Variants in IP6K1 observed in about 807,000 individuals in gnomAD.
IP6K1 encodes ATP:1D-myo-inositol-hexakisphosphate phosphotransferase.
In IP6K1, 13 loss-of-function variants were observed where a neutral mutation model predicts 38.3. The observed-to-expected ratio is 0.34, with a 90% confidence interval of 0.22 to 0.54. The LOEUF is 0.54. Ranked by LOEUF, IP6K1 falls within the 20% of genes least tolerant of loss-of-function variation. The pLI is 0.92. For missense variants in IP6K1, 397 were observed against 599.8 expected (o/e 0.66, Z 3.53); for synonymous variants, 212 against 229.9 (o/e 0.92, Z 0.70).
intron 1 of IP6K1, among the ~76,000 whole-genome samples, chr3:49,771,014 G>C (rs2080952972): frequency 6.6e-6 from 1 of 151,914 alleles, no homozygotes; most frequent in African/African-American, 2.4e-5. Context: ...AGCTACTAGG[G>C]AGGCTGAGGC....
At chr3:49,744,479 T>C (rs948572281) in intron 2 of IP6K1, among the ~76,000 whole-genome samples, 1 of 150,802 alleles carries the variant, frequency 6.6e-6, no homozygotes, top group African/African-American at 2.4e-5. Context: ...CATGTATTTA[T>C]CAGTATAGAC....
At chr3:49,775,961 G>T (rs553497051) in intron 1 of IP6K1, among the ~76,000 whole-genome samples, 1 of 151,390 alleles carries the variant, frequency 6.6e-6, no homozygotes, top group East Asian at 2.0e-4. Context: ...TTGAGGAGTT[G>T]ACTGTGAAGC....
intron 2 of IP6K1, among the ~76,000 whole-genome samples, chr3:49,746,409 C>T (rs141609951): frequency 2.2e-4 from 33 of 148,134 alleles, no homozygotes; most frequent in African/African-American, 7.3e-4. Flanking sequence ...CGGTGGCTCA[C>T]GCTTGTAATC....
chr3:49,740,234 T>C (rs1488192461), intron 2 of IP6K1, among the ~76,000 whole-genome samples: 3 of 147,330 alleles, frequency 2.0e-5, no homozygotes, highest in Non-Finnish European at 4.5e-5. Context: ...AATTCTTTTT[T>C]TTTTTTTTTT....
intron 4 of IP6K1, among the ~76,000 whole-genome samples, chr3:49,732,354 C>T (rs370637106): frequency 1.3e-5 from 2 of 152,248 alleles, no homozygotes; most frequent in African/African-American, 4.8e-5. Flanking sequence ...TGCACACAAG[C>T]GCATATGGGC....
chr3:49,729,834 G>C (rs2080548289), intron 4 of IP6K1, among the ~76,000 whole-genome samples: 1 of 152,032 alleles, frequency 6.6e-6, no homozygotes, highest in African/African-American at 2.4e-5. Flanking sequence ...GGGCTCAAAA[G>C]ATCCTCCCAC....
chr3:49,736,102 G>T (rs2080608909), intron 3 of IP6K1, among the ~76,000 whole-genome samples: 1 of 152,180 alleles, frequency 6.6e-6, no homozygotes, highest in Admixed American at 6.6e-5. Flanking sequence ...ATTTACTAGA[G>T]ATGGAGTTTC....
intron 1 of IP6K1, among the ~76,000 whole-genome samples, chr3:49,770,090 T>C (rs924633926): frequency 5.3e-5 from 8 of 152,046 alleles, no homozygotes; most frequent in African/African-American, 9.7e-5. Flanking sequence ...TAGTTCCAGC[T>C]TGAGAGGCTG....
Position 49,727,445 on chromosome 3 carries a change from G to A in IP6K1, c.1003C>T (p.Leu335=), listed in dbSNP as rs1224406178. 1.2e-6 allele frequency: 2 copies of A among 1,614,120 alleles called. No homozygotes were observed. Among genetic ancestry groups the A allele is most frequent in the Non-Finnish European group, 1.7e-6 (2 of 1,180,032 alleles). The stretch of plus-strand genomic sequence containing the variant: ...TCCTTGCCATCATAGATGACAAGCA[G>A]GGAACTGGAGTAGAAGCGGTAAGAG... ...QASYRFYSSS[L]LVIYDGKECR... Residue 335 remains leucine, a synonymous_variant, in exon 6 of 6, where the codon CTG becomes TTG. Transcript: ENST00000321599. The surrounding 1 kb of genome is among the most constrained non-coding windows in gnomAD (Gnocchi z 5.9).
intron 4 of IP6K1, among the ~76,000 whole-genome samples, chr3:49,730,722 ATTT>A (rs914598178): frequency 1.4e-5 from 2 of 146,070 alleles, no homozygotes; most frequent in African/African-American, 5.0e-5. Flanking sequence ...AATTTTTTGT[ATTT>A]TTTTTTTTGA....
At chr3:49,752,231 T>A (rs7429353) in intron 1 of IP6K1, among the ~76,000 whole-genome samples, 78,660 of 151,800 alleles carry the variant, frequency 0.52, 21,428 homozygotes, top group East Asian at 0.83. Flanking sequence ...CTCACGCCTG[T>A]AATCCCAGCA....
At chr3:49,764,376 TGTC>T (rs375589602) in intron 1 of IP6K1, among the ~76,000 whole-genome samples, 70,741 of 151,774 alleles carry the variant, frequency 0.47, 17,257 homozygotes, top group African/African-American at 0.55. Flanking sequence ...AGCAAGACCC[TGTC>T]TCTAAAACGA....
chr3:49,747,073 A>C (rs2080726822), intron 2 of IP6K1, among the ~76,000 whole-genome samples: 1 of 152,204 alleles, frequency 6.6e-6, no homozygotes, highest in Non-Finnish European at 1.5e-5. Flanking sequence ...TTTTTTAAAA[A>C]GTTAAGGAAA....
At chr3:49,758,825 T>TCTACTAAAAATACAAATATTACA (rs1345404219) in intron 1 of IP6K1, among the ~76,000 whole-genome samples, 11 of 151,916 alleles carry the variant, frequency 7.2e-5, no homozygotes, top group Non-Finnish European at 1.2e-4. Flanking sequence ...GCAGGTGTGG[T>TCTACTAAAAATACAAATATTACA]GGCGCATGTC....
At chr3:49,767,102 A>AC (rs1305021948) in intron 1 of IP6K1, among the ~76,000 whole-genome samples, 1 of 148,390 alleles carries the variant, frequency 6.7e-6, no homozygotes, top group Non-Finnish European at 1.5e-5. Context: ...TCTCCACAAA[A>AC]TTTTTTTTTT....
intron 1 of IP6K1, among the ~76,000 whole-genome samples, chr3:49,756,683 G>A (rs1251932943): frequency 6.6e-6 from 1 of 152,030 alleles, no homozygotes; most frequent in Non-Finnish European, 1.5e-5. Context: ...AGGCATGGTG[G>A]TGGGTGCCTA....
intron 1 of IP6K1, among the ~76,000 whole-genome samples, chr3:49,759,596 C>T (rs930554387): frequency 2.0e-5 from 3 of 152,096 alleles, no homozygotes; most frequent in Admixed American, 2.0e-4. Flanking sequence ...AGACACCACA[C>T]ATCCTGGAGG....
chr3:49,727,014 A>G lies in IP6K1; in HGVS notation c.*108T>C. 8.9e-7 allele frequency: 1 copy of G among 1,117,994 alleles called. No homozygotes were observed. 69.3% of individuals were successfully genotyped at this position (1,117,994 alleles called of 1,614,324 possible). A position where few individuals can be genotyped will look rare whatever the true frequency, so the allele number is the denominator to read the frequency against. ...ACATTTCTTTTAGTTTACACCAAAG[A>G]GAAATATAACCCTTTAAAAGCAAGT... On this transcript the variant is annotated 3_prime_UTR_variant, in exon 6 of 6. Coordinates refer to ENST00000321599, the MANE Select transcript of IP6K1 (RefSeq NM_153273.4). This position sits in a 1 kb window ranked among gnomAD's most constrained non-coding sequence, Gnocchi z 5.9.
chr3:49,770,885 G>C (rs915834836), intron 1 of IP6K1, among the ~76,000 whole-genome samples: 1 of 152,106 alleles, frequency 6.6e-6, no homozygotes, highest in Non-Finnish European at 1.5e-5. Flanking sequence ...CCAGGCAAGA[G>C]GAATGCTTGA....
Sources: gnomAD v4.1 joint callset for allele counts (sites outside exome capture counted in the v4.1 genomes callset) on GRCh38, gnomAD v4.1.1 for gene constraint, Gnocchi (gnomAD v3.1) non-coding constraint, MANE v1.5 for transcripts, NCBI Gene and HGNC (gene_info 2026-07-23, HGNC 2026-07-21) for gene names.